LRRC49: variants seen among roughly 807,000 people sequenced by gnomAD.
LRRC49 encodes the protein leucine rich repeat containing 49.
LRRC49 carries 50 observed loss-of-function variants against 83.3 expected under a neutral mutation model. The ratio of observed to expected loss-of-function variants is 0.60; its 90% CI spans 0.48 to 0.76. The LOEUF (loss-of-function observed/expected upper bound fraction) is 0.76, where lower values mean the gene tolerates loss of function less well. Ranked by LOEUF, LRRC49 falls within the 30% of genes least tolerant of loss-of-function variation. The pLI is 0.00. For synonymous variants in LRRC49, 286 were observed against 283.3 expected, an observed-to-expected ratio of 1.01 and a Z score of -0.10; for missense variants, 704 against 809.1, an observed-to-expected ratio of 0.87 and a Z score of 1.58.
At chr15:71,026,243 G>A (rs2039167460) in intron 14 of LRRC49, among the ~76,000 whole-genome samples, 1 of 152,128 alleles carries the variant, frequency 6.6e-6, no homozygotes, top group African/African-American at 2.4e-5. Context: ...CAAAGGACAT[G>A]AACTCATTCT....
intron 14 of LRRC49, among the ~76,000 whole-genome samples, chr15:71,017,399 C>CA (rs961091061): frequency 7.5e-4 from 114 of 152,012 alleles, no homozygotes; most frequent in African/African-American, 2.6e-3. Context: ...AGCTCACAAA[C>CA]ATTTTTACAG....
At chr15:71,005,486 C>A (rs1192367648) in intron 11 of LRRC49, among the ~76,000 whole-genome samples, 1 of 152,058 alleles carries the variant, frequency 6.6e-6, no homozygotes, top group Non-Finnish European at 1.5e-5. Flanking sequence ...ATAATAAATT[C>A]TCCACAAAAA....
intron 13 of LRRC49, among the ~76,000 whole-genome samples, chr15:71,012,258 GGGTATACTTGT>G (rs2038678714): frequency 1.3e-5 from 2 of 152,236 alleles, no homozygotes; most frequent in Admixed American, 1.3e-4. Context: ...GGTCCTCATA[GGGTATACTTGT>G]GACAAGTTAT....
At chr15:70,882,757 A>C in intron 2 of LRRC49, 2 of 1,614,122 alleles carry the variant, frequency 1.2e-6, no homozygotes, top group Non-Finnish European at 1.7e-6. Context: ...GAGTCAAAAC[A>C]TACCCACACT....
chr15:70,870,294 T>C (rs568119281), intron 1 of LRRC49, among the ~76,000 whole-genome samples: 5 of 152,342 alleles, frequency 3.3e-5, no homozygotes, highest in African/African-American at 1.2e-4. Context: ...GCCCACACTT[T>C]GTCATAAAAA....
intron 8 of LRRC49, among the ~76,000 whole-genome samples, chr15:70,959,837 G>A (rs79091351): frequency 0.012 from 1,775 of 152,236 alleles, 42 homozygotes; most frequent in African/African-American, 0.04. Flanking sequence ...AGACTGTTTT[G>A]TATGGTTAAA....
chr15:70,903,550 A>G (rs188626872), intron 4 of LRRC49, among the ~76,000 whole-genome samples: 2 of 152,138 alleles, frequency 1.3e-5, no homozygotes, highest in African/African-American at 2.4e-5. Context: ...TCTCTTTATC[A>G]GGAAGATTCT....
chr15:70,922,833 T>A (rs1443507034), intron 7 of LRRC49, among the ~76,000 whole-genome samples: 1 of 151,978 alleles, frequency 6.6e-6, no homozygotes, highest in African/African-American at 2.4e-5. Context: ...TAATAAAAAA[T>A]TTTAAAGCAA....
At chr15:70,944,129 G>A (rs1471673091) in intron 8 of LRRC49, among the ~76,000 whole-genome samples, 1 of 152,112 alleles carries the variant, frequency 6.6e-6, no homozygotes, top group African/African-American at 2.4e-5. Flanking sequence ...TGTATGAGGA[G>A]GGGCCTCTAG....
At chr15:70,854,367 C>T (rs1376926832) in intron 1 of LRRC49, among the ~76,000 whole-genome samples, 1 of 152,112 alleles carries the variant, frequency 6.6e-6, no homozygotes, top group Non-Finnish European at 1.5e-5. Flanking sequence ...GGAAGGATCC[C>T]CGCGACCCCC....
At chr15:70,924,129 A>T (rs1272226006) in intron 7 of LRRC49, among the ~76,000 whole-genome samples, 1 of 151,878 alleles carries the variant, frequency 6.6e-6, no homozygotes, top group Non-Finnish European at 1.5e-5. Flanking sequence ...CATGACATTG[A>T]CATTTGTGAA....
chr15:70,894,438 T>A (rs2033739155), intron 2 of LRRC49: 1 of 339,180 alleles, frequency 2.9e-6, no homozygotes, highest in Admixed American at 4.4e-5. Flanking sequence ...GAAGTTACGA[T>A]ATGAATATGA....
rs896028094 is a variant in LRRC49, at chr15:70,859,531, C to G, written c.-299+6062C>G. 9 of 676,464 alleles carry G rather than the reference C, an allele frequency of 1.3e-5. No homozygotes were observed. In the African/African-American group the frequency reaches 1.6e-4, roughly 12 times the overall value. 41.9% of individuals were successfully genotyped at this position (676,464 alleles called of 1,614,324 possible). On this transcript the variant is annotated intron_variant, in intron 1 of 16. Transcript: ENST00000544974. ...TGCAGTAGGAGGAGATTGCCAACCG[C>G]AGCCAGGCGGAGGCTGAGAGCATGC...
At chr15:70,877,011 T>C (rs1420964963) in intron 2 of LRRC49, among the ~76,000 whole-genome samples, 1 of 152,170 alleles carries the variant, frequency 6.6e-6, no homozygotes, top group Non-Finnish European at 1.5e-5. Flanking sequence ...TCCTTCTCAC[T>C]CATCCTTTGC....
At chr15:70,888,163 T>G (rs191974261), upstream of LRRC49, among the ~76,000 whole-genome samples, 1 of 152,284 alleles carries the variant, frequency 6.6e-6, no homozygotes, top group African/African-American at 2.4e-5. Flanking sequence ...GTGAGTAACT[T>G]GTGAAAATTG....
intron 3 of LRRC49, 90 bp downstream of exon 3, chr15:70,896,026 A>C: frequency 1.3e-6 from 1 of 753,308 alleles, no homozygotes; most frequent in Non-Finnish European, 2.1e-6. Context: ...ATCCAAATAA[A>C]CTTGAATTTA....
chr15:71,006,620 A>G (rs1448382651), intron 11 of LRRC49, among the ~76,000 whole-genome samples: 1 of 152,124 alleles, frequency 6.6e-6, no homozygotes, highest in African/African-American at 2.4e-5. Context: ...TTCATCCAAG[A>G]AATATGTATT....
At chr15:70,957,378 T>C (rs1351507632) in intron 8 of LRRC49, among the ~76,000 whole-genome samples, 1 of 152,232 alleles carries the variant, frequency 6.6e-6, no homozygotes, top group Non-Finnish European at 1.5e-5. Flanking sequence ...CACTTTTAAG[T>C]GCATCTGCCT....
upstream of LRRC49, among the ~76,000 whole-genome samples, chr15:70,891,652 A>C (rs1246325133): frequency 6.0e-5 from 9 of 149,072 alleles, no homozygotes; most frequent in Non-Finnish European, 1.2e-4. Context: ...GAAGGAATTA[A>C]CTGGGTCACT....
Sources: allele counts gnomAD v4.1 joint callset (sites outside exome capture counted in the v4.1 genomes callset), GRCh38; gene constraint gnomAD v4.1.1; transcripts MANE v1.5; gene names NCBI Gene and HGNC (gene_info 2026-07-23, HGNC 2026-07-21).